Variants in CHRNA2 observed in about 807,000 individuals in gnomAD.
CHRNA2 encodes cholinergic receptor nicotinic alpha 2 subunit, also known as neuronal acetylcholine receptor subunit alpha-2.
In CHRNA2, 40 loss-of-function variants were observed where a neutral mutation model predicts 45.5. That is an observed-to-expected ratio of 0.88 (90% CI 0.68 to 1.15). The LOEUF is 1.15. CHRNA2 is among the 50% of genes most tolerant of loss of function. CHRNA2 has a pLI of 0.00. For missense variants in CHRNA2, 655 were observed against 701.7 expected, an observed-to-expected ratio of 0.93 and a Z score of 0.75; for synonymous variants, 301 against 296.7, an observed-to-expected ratio of 1.01 and a Z score of -0.15.
In CHRNA2 at chr8:27,461,764, A is replaced by G; in HGVS notation, c.1465-10T>C. The G allele has an allele frequency of 1.2e-6, 2 of 1,614,022 alleles. No individual in the cohort carries two copies. The highest frequency in any genetic ancestry group is 1.7e-4 in the Middle Eastern group (1 of 6,058). ...TCCAGTCCTCCTTCACCTGTGGGGA[A>G]GACAGCACACAGTGACAGGGGCCAG... On this transcript the variant is annotated splice_polypyrimidine_tract_variant and intron_variant, in intron 6 of 6. Transcript: ENST00000407991.
Position 27,461,665 on chromosome 8 carries a change from G to C in CHRNA2, c.1554C>G (p.Gly518=). 1 of 1,614,248 alleles carries C rather than the reference G, an allele frequency of 6.2e-7. No homozygotes were observed. The highest frequency in any genetic ancestry group is 1.1e-5 in the South Asian group (1 of 91,086). The change falls in exon 7 of 7, where the codon GGC becomes GGG. Residue 518 remains glycine, a synonymous_variant. Coordinates refer to ENST00000407991, the MANE Select transcript of CHRNA2 (RefSeq NM_000742.4). ...FIIVCFLGTI[G]LFLPPFLAGM... ...CAGCTAGGAACGGAGGCAGAAAGAG[G>C]CCGATGGTCCCCAGGAAGCAGACGA...
rs1244663194 is a variant in CHRNA2, at chr8:27,467,465, C to A, written c.340-127G>T. 2.1e-5 allele frequency: 15 copies of A among 712,464 alleles called. No individual in the cohort carries two copies. The East Asian group carries it at 4.1e-4, about 19-fold the overall frequency. The allele number at this position is 712,464 out of a possible 1,614,324, so 44.1% of individuals were successfully genotyped here. A position where few individuals can be genotyped will look rare whatever the true frequency, so the allele number is the denominator to read the frequency against. ...CTTGGAGCAGCCAGGGCTCCCCACCCAGCCCAGAATAGTGGAGGGAGCTGC... is the reference window on the plus strand; with the variant it reads ...CTTGGAGCAGCCAGGGCTCCCCACCAAGCCCAGAATAGTGGAGGGAGCTGC... On this transcript the variant is annotated intron_variant, in intron 4 of 6. Coordinates refer to ENST00000407991, the MANE Select transcript of CHRNA2 (RefSeq NM_000742.4).
intron 1 of CHRNA2, among the ~76,000 whole-genome samples, chr8:27,474,610 G>C (rs1017398044): frequency 2.6e-5 from 4 of 152,210 alleles, no homozygotes; most frequent in Non-Finnish European, 4.4e-5. Flanking sequence ...GGTGCCTCCA[G>C]GGGGAGAAGC....
intron 1 of CHRNA2, among the ~76,000 whole-genome samples, chr8:27,472,764 T>A (rs543099028): frequency 6.6e-6 from 1 of 152,250 alleles, no homozygotes; most frequent in East Asian, 1.9e-4. Flanking sequence ...ATACTAAAAT[T>A]CACCGAATTG....
chr8:27,476,490 C>A (rs1042226777), intron 1 of CHRNA2, among the ~76,000 whole-genome samples: 1 of 152,120 alleles, frequency 6.6e-6, no homozygotes, highest in Non-Finnish European at 1.5e-5. Flanking sequence ...TGTTGTTATC[C>A]GAGATTAAAT....
At position 27,463,388 on chromosome 8, in the gene CHRNA2, AC is replaced by A; in HGVS notation, c.1054del (p.Val352CysfsTer28). ...SIVITVFVLN[V>X]HHRSPSTHTM... ...GTGGGTGCTGGGGGAGCGGTGGTGC[AC>A]ATTGAGCACGAAGACGGTGATGACG... On this transcript the variant is annotated frameshift_variant, in exon 6 of 7. Coordinates refer to ENST00000407991, the MANE Select transcript of CHRNA2 (RefSeq NM_000742.4). LOFTEE classifies it high-confidence loss of function. The surrounding 1 kb of genome is among the most constrained non-coding windows in gnomAD (Gnocchi z 6.1). 1 of 1,614,116 alleles carries A rather than the reference AC, an allele frequency of 6.2e-7. No homozygotes were observed. The highest frequency in any genetic ancestry group is 8.5e-7 in the Non-Finnish European group (1 of 1,180,024).
At chr8:27,462,455 G>A (rs537213695) in intron 6 of CHRNA2, among the ~76,000 whole-genome samples, 2 of 152,208 alleles carry the variant, frequency 1.3e-5, no homozygotes, top group African/African-American at 4.8e-5. Flanking sequence ...TGGCAGGGGC[G>A]GGGGAGCGGA....
intron 1 of CHRNA2, 95 bp from the exon 2 acceptor site, chr8:27,471,289 A>C: frequency 2.0e-6 from 1 of 494,812 alleles, no homozygotes; most frequent in South Asian, 2.1e-5. Flanking sequence ...AAATGAGAGC[A>C]AAAGGCCCTC....
intron 4 of CHRNA2, among the ~76,000 whole-genome samples, chr8:27,468,391 TG>T (rs1812765132): frequency 6.6e-6 from 1 of 152,230 alleles, no homozygotes; most frequent in Non-Finnish European, 1.5e-5. Flanking sequence ...TGATAGCTCC[TG>T]GGTTACAGCA....
At chr8:27,464,144 C>T (rs944602012) in intron 5 of CHRNA2, 151 bp from the exon 6 acceptor site, 9 of 812,604 alleles carry the variant, frequency 1.1e-5, no homozygotes, top group African/African-American at 6.8e-5. Context: ...AAGTCTCCCC[C>T]GGCATGCACA....
At chr8:27,462,288 A>G (rs9314347) in intron 6 of CHRNA2, among the ~76,000 whole-genome samples, 11,225 of 152,242 alleles carry the variant, frequency 0.074, 469 homozygotes, top group South Asian at 0.11. Flanking sequence ...CCTGGATGAC[A>G]TCATGATTAA....
At chr8:27,467,426 G>T in intron 4 of CHRNA2, 88 bp from the exon 5 acceptor site, 1 of 1,050,284 alleles carries the variant, frequency 9.5e-7, no homozygotes, top group Non-Finnish European at 1.5e-6. Context: ...CCCAGAATTG[G>T]GCCAAGCAGC....
chr8:27,461,210 G>T lies in CHRNA2; in HGVS notation c.*419C>A. Reference sequence around the variant, plus strand: ...TCTCCAAATCTAAACATTGTTCAAAGCCCTTCCACATCCAAGAACCCTCCC... The same window carrying T: ...TCTCCAAATCTAAACATTGTTCAAATCCCTTCCACATCCAAGAACCCTCCC... On this transcript the variant is annotated 3_prime_UTR_variant, in exon 7 of 7. Coordinates refer to ENST00000407991, the MANE Select transcript of CHRNA2 (RefSeq NM_000742.4). The T allele has an allele frequency of 4.7e-6, 1 of 214,074 alleles. No homozygotes were observed. 13.3% of individuals were successfully genotyped at this position (214,074 alleles called of 1,614,324 possible). A position where few individuals can be genotyped will look rare whatever the true frequency, so the allele number is the denominator to read the frequency against.
intron 1 of CHRNA2, among the ~76,000 whole-genome samples, chr8:27,477,552 C>A (rs1813098397): frequency 6.6e-6 from 1 of 152,086 alleles, no homozygotes; most frequent in Non-Finnish European, 1.5e-5. Flanking sequence ...GGATGTATTC[C>A]CAGCAAGATG....
At chr8:27,462,869 G>T in intron 6 of CHRNA2, 110 bp downstream of exon 6, 1 of 1,292,380 alleles carries the variant, frequency 7.7e-7, no homozygotes, top group Non-Finnish European at 1.1e-6. Context: ...AGGAAAGTGG[G>T]CCTTCACGAG....
At position 27,469,333 on chromosome 8, in the gene CHRNA2, A is replaced by T. The variant is rs1397855238; in HGVS notation, c.339+2T>A. 1 of 1,554,810 alleles carries T rather than the reference A, an allele frequency of 6.4e-7. No individual in the cohort carries two copies. On this transcript the variant is annotated splice_donor_variant, in intron 4 of 6. Transcript: ENST00000407991. LOFTEE classifies it high-confidence loss of function. ...CCTGGACTGGAGGAGGGGGGCCCTC[A>T]CCTGTTTTAGCCAGACGTTGGTGGT...
At position 27,460,525 on chromosome 8, in the gene CHRNA2, G is replaced by C. The variant is rs1018629917; in HGVS notation, c.*1104C>G. 1 of 152,240 alleles carries C rather than the reference G, an allele frequency of 6.6e-6. No homozygotes were observed. The highest frequency in any genetic ancestry group is 2.4e-5 in the African/African-American group (1 of 41,446). 9.4% of individuals were successfully genotyped at this position (152,240 alleles called of 1,614,324 possible). The stretch of plus-strand genomic sequence containing the variant: ...ACCCCACTCACCCGGCGCTGTGCTA[G>C]GTGCTGGGGGTGGGAAAAATAACAG... On this transcript the variant is annotated 3_prime_UTR_variant, in exon 7 of 7. Coordinates refer to ENST00000407991, the MANE Select transcript of CHRNA2 (RefSeq NM_000742.4).
At chr8:27,476,026 C>T (rs1268151267) in intron 1 of CHRNA2, among the ~76,000 whole-genome samples, 6 of 152,230 alleles carry the variant, frequency 3.9e-5, no homozygotes, top group Non-Finnish European at 8.8e-5. Context: ...TAAGGCTTCT[C>T]ACTTAATTTG....
chr8:27,479,261 C>CAT (rs886062854), upstream of CHRNA2: 2,702 of 146,350 alleles, frequency 0.018, 72 homozygotes, highest in African/African-American at 0.067. Flanking sequence ...CACACACACA[C>CAT]ACATACACAC....
Sources: gnomAD v4.1 joint callset for allele counts (sites outside exome capture counted in the v4.1 genomes callset) on GRCh38, gnomAD v4.1.1 for gene constraint, Gnocchi (gnomAD v3.1) non-coding constraint, MANE v1.5 for transcripts, NCBI Gene and HGNC (gene_info 2026-07-23, HGNC 2026-07-21) for gene names.